INPP5A: variants seen among roughly 807,000 people sequenced by gnomAD.
The protein encoded by INPP5A is 43 kDa inositol polyphosphate 5-phophatase.
INPP5A carries 14 observed loss-of-function variants against 65.2 expected under a neutral mutation model. The observed-to-expected ratio is 0.21, with a 90% confidence interval of 0.14 to 0.34. The LOEUF (loss-of-function observed/expected upper bound fraction) is 0.34, where lower values mean the gene tolerates loss of function less well. Among genes scored for constraint, INPP5A ranks in the 10% least tolerant of loss-of-function variants. INPP5A has a pLI of 1.00. For missense variants in INPP5A, 431 were observed against 545.6 expected (o/e 0.79, Z 2.09); for synonymous variants, 207 against 208.3 (o/e 0.99, Z 0.05).
chr10:132,596,985 A>C (rs577148606), intron 1 of INPP5A, among the ~76,000 whole-genome samples: 1 of 135,952 alleles, frequency 7.4e-6, no homozygotes, highest in Non-Finnish European at 1.6e-5. Context: ...GCGTGTGTGC[A>C]TGCACGTGTG....
intron 1 of INPP5A, among the ~76,000 whole-genome samples, chr10:132,597,189 A>C (rs1445314082): frequency 6.6e-6 from 1 of 152,246 alleles, no homozygotes; most frequent in Non-Finnish European, 1.5e-5. Flanking sequence ...ATGCACATGC[A>C]CTTGTGTTTT....
chr10:132,709,333 G>C (rs1845594068), intron 7 of INPP5A, among the ~76,000 whole-genome samples: 1 of 124,544 alleles, frequency 8.0e-6, no homozygotes, highest in Admixed American at 7.6e-5. Context: ...AAAAGAAGGA[G>C]GTGGGGGAAG....
intron 1 of INPP5A, among the ~76,000 whole-genome samples, chr10:132,596,364 C>CT (rs1564928529): frequency 6.6e-6 from 1 of 151,920 alleles, no homozygotes; most frequent in South Asian, 2.1e-4. Flanking sequence ...TTCAAAATTT[C>CT]TTTTTTGTCT....
intron 8 of INPP5A, among the ~76,000 whole-genome samples, chr10:132,716,862 G>A (rs1845748768): frequency 6.6e-6 from 1 of 152,258 alleles, no homozygotes; most frequent in African/African-American, 2.4e-5. Context: ...GCCCTGCACA[G>A]CCCTCCTGCC....
intron 11 of INPP5A, among the ~76,000 whole-genome samples, chr10:132,755,567 C>T (rs1001884429): frequency 7.1e-6 from 1 of 140,286 alleles, no homozygotes; most frequent in Admixed American, 7.2e-5. Flanking sequence ...TGCATGAGAG[C>T]AGGTGTGAGC....
chr10:132,580,605 GATC>G (rs2071470702), intron 1 of INPP5A, among the ~76,000 whole-genome samples: 1 of 152,214 alleles, frequency 6.6e-6, no homozygotes, highest in Non-Finnish European at 1.5e-5. Flanking sequence ...GGGCCCTAGA[GATC>G]ATCAACTTCA....
intron 11 of INPP5A, 88 bp downstream of exon 11, chr10:132,749,933 A>G: frequency 8.7e-7 from 1 of 1,155,116 alleles, no homozygotes. Context: ...ACCTGGGACC[A>G]CCCTGCCTTG....
chr10:132,767,489 CTCG>C (rs1246082729), intron 12 of INPP5A, among the ~76,000 whole-genome samples: 1 of 152,186 alleles, frequency 6.6e-6, no homozygotes, highest in Non-Finnish European at 1.5e-5. Context: ...GCCCAGGCCT[CTCG>C]TCCTCCTCAC....
At chr10:132,772,467 A>G (rs1846971711) in intron 12 of INPP5A, among the ~76,000 whole-genome samples, 1 of 132,076 alleles carries the variant, frequency 7.6e-6, no homozygotes, top group Non-Finnish European at 1.7e-5. Context: ...CCACCCCATG[A>G]AGAGTGGGAC....
At chr10:132,669,283 C>G (rs973198282) in intron 4 of INPP5A, among the ~76,000 whole-genome samples, 4 of 152,184 alleles carry the variant, frequency 2.6e-5, no homozygotes, top group African/African-American at 9.7e-5. Flanking sequence ...CGGTGAGTAG[C>G]ACCAGCTTGT....
intron 2 of INPP5A, among the ~76,000 whole-genome samples, chr10:132,608,166 A>T: frequency 6.6e-6 from 1 of 152,196 alleles, no homozygotes; most frequent in East Asian, 1.9e-4. Context: ...GCCTGGCCAG[A>T]TCCTCCTCGG....
intron 4 of INPP5A, among the ~76,000 whole-genome samples, chr10:132,686,170 G>T (rs557762223): frequency 6.6e-6 from 1 of 152,318 alleles, no homozygotes; most frequent in East Asian, 1.9e-4. Flanking sequence ...TGTGTGGCCC[G>T]CACCGGATCG....
intron 1 of INPP5A, among the ~76,000 whole-genome samples, chr10:132,596,844 CATGCGTGTGT>C: frequency 7.3e-6 from 1 of 136,070 alleles, no homozygotes; most frequent in East Asian, 2.7e-4. Flanking sequence ...TGCGTGTGTG[CATGCGTGTGT>C]GTGCATGTGT....
intron 1 of INPP5A, among the ~76,000 whole-genome samples, chr10:132,597,156 AGT>A (rs1181908878): frequency 6.6e-6 from 1 of 150,452 alleles, no homozygotes. Flanking sequence ...CATGTGTGTG[AGT>A]GTGTGTGCGC....
rs1281236690 is a variant in INPP5A, at chr10:132,547,437, A to T, written c.75+9266A>T. 2.0e-5 allele frequency among the ~76,000 whole-genome samples: 3 copies of T among 151,866 alleles called. No individual in the cohort carries two copies. Among genetic ancestry groups the T allele is most frequent in the Non-Finnish European group, 4.4e-5 (3 of 67,950 alleles). On this transcript the variant is annotated intron_variant, in intron 1 of 15. Coordinates refer to ENST00000368594, the MANE Select transcript of INPP5A (RefSeq NM_005539.5). This position sits in a 1 kb window ranked among gnomAD's most constrained non-coding sequence, Gnocchi z 5.5. ...GCGCGTGGCCCAGGCTGAGCAGTGC[A>T]CTCGGCTGCCTAGGTGGTGTGAGGT...
chr10:132,777,865 C>T, intron 13 of INPP5A, 83 bp downstream of exon 13: 3 of 1,558,332 alleles, frequency 1.9e-6, no homozygotes, highest in Non-Finnish European at 2.6e-6. Flanking sequence ...TGACAGGGCC[C>T]CAGGGGTGGG....
At chr10:132,687,594 G>A (rs1276575135) in intron 4 of INPP5A, among the ~76,000 whole-genome samples, 19 of 152,312 alleles carry the variant, frequency 1.2e-4, no homozygotes, top group Non-Finnish European at 1.3e-4. Flanking sequence ...CTTCATCTCC[G>A]TCCCCTAGAC....
rs2072378225 is a variant in INPP5A, at chr10:132,637,899, T to A, written c.118-7969T>A. On this transcript the variant is annotated intron_variant, in intron 2 of 15. Coordinates refer to ENST00000368594, the MANE Select transcript of INPP5A (RefSeq NM_005539.5). The surrounding 1 kb of genome is among the most constrained non-coding windows in gnomAD (Gnocchi z 4.1). ...TTTTCCTCAGTTTGTGTGTGTACAATTTTTTGTCTTTTTTTTACAGCCGTT... is the reference window on the plus strand; with the variant it reads ...TTTTCCTCAGTTTGTGTGTGTACAAATTTTTGTCTTTTTTTTACAGCCGTT... 6.6e-6 allele frequency among the ~76,000 whole-genome samples: 1 copy of A among 151,794 alleles called. No homozygotes were observed. The highest frequency in any genetic ancestry group is 2.1e-4 in the South Asian group (1 of 4,708).
At position 132,555,471 on chromosome 10, in the gene INPP5A, A is replaced by T. The variant is rs1319995998; in HGVS notation, c.75+17300A>T. On this transcript the variant is annotated intron_variant, in intron 1 of 15. Coordinates refer to ENST00000368594, the MANE Select transcript of INPP5A (RefSeq NM_005539.5). This position sits in a 1 kb window ranked among gnomAD's most constrained non-coding sequence, Gnocchi z 4.4. ...GCTGGGGCGTGGCCACGCTGGGAGG[A>T]TGAGGAGCTTGAAGTGACTCAGGGG... 6.6e-6 allele frequency among the ~76,000 whole-genome samples: 1 copy of T among 151,776 alleles called. No individual in the cohort carries two copies. The highest frequency in any genetic ancestry group is 2.4e-5 in the African/African-American group (1 of 41,272).
Sources: gnomAD v4.1 joint callset for allele counts (sites outside exome capture counted in the v4.1 genomes callset) on GRCh38, gnomAD v4.1.1 for gene constraint, Gnocchi (gnomAD v3.1) non-coding constraint, MANE v1.5 for transcripts, NCBI Gene and HGNC (gene_info 2026-07-23, HGNC 2026-07-21) for gene names.